Variants in KCNQ3 observed in about 807,000 individuals in gnomAD.
The protein encoded by KCNQ3 is potassium voltage-gated channel subfamily Q member 3.
In KCNQ3, 30 loss-of-function variants were observed where a neutral mutation model predicts 92.5. The observed-to-expected ratio is 0.32, with a 90% CI of 0.24 to 0.44. The LOEUF is 0.44. KCNQ3 is among the 20% of genes least tolerant of loss of function. The pLI is 1.00. For synonymous variants in KCNQ3, 450 were observed against 468.8 expected, an observed-to-expected ratio of 0.96 and a Z score of 0.52; for missense variants, 913 against 1,140.3, an observed-to-expected ratio of 0.80 and a Z score of 2.87.
chr8:132,172,503 C>T (rs1826407609), intron 7 of KCNQ3, 95 bp downstream of exon 7: 5 of 1,125,334 alleles, frequency 4.4e-6, no homozygotes, highest in South Asian at 1.2e-5. Context: ...TATGTCCCCT[C>T]CACATGTGCA....
In KCNQ3 at chr8:132,265,392, A is replaced by G. The variant is rs78993788; in HGVS notation, c.387-79211T>C. Among the ~76,000 whole-genome samples the G allele has an allele frequency of 6.0e-3, 907 of 152,364 alleles. 7 individuals carry two copies. The highest frequency in any genetic ancestry group is 0.021 in the African/African-American group (878 of 41,576). On this transcript the variant is annotated intron_variant, in intron 1 of 14. Coordinates refer to ENST00000388996, the MANE Select transcript of KCNQ3 (RefSeq NM_004519.4). ...ATACAACTTTAATTCCTTGGCAAAG[A>G]GTCTACCCATCACTTCCAGGTTTTC...
At chr8:132,300,149 A>G (rs1301183483) in intron 1 of KCNQ3, among the ~76,000 whole-genome samples, 2 of 152,238 alleles carry the variant, frequency 1.3e-5, no homozygotes, top group African/African-American at 4.8e-5. Context: ...TGACAGGTGA[A>G]TTGAAAGAAT....
chr8:132,145,878 G>C (rs968163306), intron 9 of KCNQ3, among the ~76,000 whole-genome samples: 3 of 152,176 alleles, frequency 2.0e-5, no homozygotes, highest in African/African-American at 7.2e-5. Flanking sequence ...AGATCTGAAA[G>C]GCAAGAAGCT....
At chr8:132,470,552 T>C (rs978292685) in intron 1 of KCNQ3, among the ~76,000 whole-genome samples, 3 of 152,218 alleles carry the variant, frequency 2.0e-5, no homozygotes, top group Non-Finnish European at 2.9e-5. Context: ...CACTAACTAT[T>C]GCACCATGCA....
At chr8:132,324,701 A>G (rs73710539) in intron 1 of KCNQ3, among the ~76,000 whole-genome samples, 2,615 of 152,290 alleles carry the variant, frequency 0.017, 81 homozygotes, top group African/African-American at 0.06. Flanking sequence ...CATCGCATGG[A>G]GAGGGGTAAG....
At chr8:132,325,608 G>T (rs1818024796) in intron 1 of KCNQ3, among the ~76,000 whole-genome samples, 1 of 152,230 alleles carries the variant, frequency 6.6e-6, no homozygotes, top group South Asian at 2.1e-4. Context: ...AAAATGTGAA[G>T]ACACAGGGAG....
chr8:132,210,213 G>T (rs1813806965), intron 1 of KCNQ3, among the ~76,000 whole-genome samples: 1 of 152,184 alleles, frequency 6.6e-6, no homozygotes, highest in Non-Finnish European at 1.5e-5. Flanking sequence ...TCATGTGATA[G>T]TCATGTGCAG....
At chr8:132,437,257 G>A (rs1821419383) in intron 1 of KCNQ3, among the ~76,000 whole-genome samples, 1 of 150,410 alleles carries the variant, frequency 6.6e-6, no homozygotes, top group South Asian at 2.1e-4. Context: ...TCCAGCCTGG[G>A]CGACAGCGAG....
At chr8:132,467,284 C>T (rs1370967567) in intron 1 of KCNQ3, among the ~76,000 whole-genome samples, 2 of 152,112 alleles carry the variant, frequency 1.3e-5, no homozygotes, top group Admixed American at 6.5e-5. Context: ...AGAGAAATAA[C>T]ACTACAAATA....
At chr8:132,210,386 C>A (rs1228794183) in intron 1 of KCNQ3, among the ~76,000 whole-genome samples, 2 of 152,206 alleles carry the variant, frequency 1.3e-5, no homozygotes, top group Non-Finnish European at 2.9e-5. Context: ...TGTGTCCCTG[C>A]AGTCAGAAAG....
intron 1 of KCNQ3, among the ~76,000 whole-genome samples, chr8:132,466,268 C>T (rs543479686): frequency 1.3e-5 from 2 of 151,886 alleles, no homozygotes; most frequent in Admixed American, 6.5e-5. Flanking sequence ...CCTTAGGCTT[C>T]AAGACTTCCT....
chr8:132,195,923 G>A (rs1827287038), intron 1 of KCNQ3, among the ~76,000 whole-genome samples: 1 of 152,130 alleles, frequency 6.6e-6, no homozygotes. Context: ...AGACCCAAAA[G>A]AGTACATTAT....
At chr8:132,286,893 G>A (rs1816694344) in intron 1 of KCNQ3, among the ~76,000 whole-genome samples, 1 of 152,044 alleles carries the variant, frequency 6.6e-6, no homozygotes, top group South Asian at 2.1e-4. Context: ...ATGAGGAGAG[G>A]TTACCTCTCC....
chr8:132,468,687 C>T (rs974274679), intron 1 of KCNQ3, among the ~76,000 whole-genome samples: 9 of 152,280 alleles, frequency 5.9e-5, no homozygotes, highest in African/African-American at 2.2e-4. Flanking sequence ...AGGGCTCAAC[C>T]CAACTGTTAC....
chr8:132,356,904 G>C (rs1385978032), intron 1 of KCNQ3, among the ~76,000 whole-genome samples: 1 of 152,164 alleles, frequency 6.6e-6, no homozygotes, highest in Non-Finnish European at 1.5e-5. Context: ...ATTTCAATAT[G>C]AGTTGTGAAT....
At chr8:132,238,163 A>G (rs1814875597) in intron 1 of KCNQ3, among the ~76,000 whole-genome samples, 1 of 152,174 alleles carries the variant, frequency 6.6e-6, no homozygotes, top group African/African-American at 2.4e-5. Flanking sequence ...TCGGTGCACT[A>G]AATTAGGGAA....
Position 132,129,241 on chromosome 8 carries a change from G to A in KCNQ3, c.*21C>T. On this transcript the variant is annotated 3_prime_UTR_variant, in exon 15 of 15. Transcript: ENST00000388996. This position sits in a 1 kb window ranked among gnomAD's most constrained non-coding sequence, Gnocchi z 5.9. ...ACAAAGTCTGTCTACATTACAAGGA[G>A]GGGTCAGCCAGTGACCTCTTTTAAA... The A allele has an allele frequency of 6.2e-7, 1 of 1,605,848 alleles. No homozygotes were observed.
Position 132,480,670 on chromosome 8 carries a change from A to ACCCC in KCNQ3, c.-142_-139dup, listed in dbSNP as rs879019805. The ACCCC allele has an allele frequency of 1.1e-4, 78 of 728,740 alleles. No individual in the cohort carries two copies. In the African/African-American group the frequency reaches 1.2e-3, roughly 12 times the overall value. The allele number at this position is 728,740 out of a possible 1,614,324, so 45.1% of individuals were successfully genotyped here. On this transcript the variant is annotated 5_prime_UTR_variant, in exon 1 of 15. Transcript: ENST00000388996. ...TGCCATGATCCGCGCGCCCCTCCCC[A>ACCCC]CCCCCCCCCAAAAGCAGGCAAAGGC...
chr8:132,274,843 C>A (rs1225685192), intron 1 of KCNQ3, among the ~76,000 whole-genome samples: 1 of 152,126 alleles, frequency 6.6e-6, no homozygotes, highest in Non-Finnish European at 1.5e-5. Context: ...AAGGAGCCAA[C>A]CTTACAGAGT....
Sources: allele counts gnomAD v4.1 joint callset (sites outside exome capture counted in the v4.1 genomes callset), GRCh38; gene constraint gnomAD v4.1.1; non-coding constraint Gnocchi (gnomAD v3.1); transcripts MANE v1.5; gene names NCBI Gene and HGNC (gene_info 2026-07-23, HGNC 2026-07-21).